The following ZNF264 variants were observed in gnomAD, a reference collection of about 807,000 sequenced individuals.
ZNF264 encodes zinc finger protein 264.
Under a neutral mutation model 11.2 loss-of-function variants are expected in ZNF264, and 11 were observed. The ratio of observed to expected loss-of-function variants is 0.98; its 90% confidence interval spans 0.62 to 1.63. The LOEUF is 1.63. Among genes scored for constraint, ZNF264 ranks in the 40% most tolerant of loss-of-function variants. The pLI, the probability that ZNF264 is intolerant of heterozygous loss-of-function variation, is 0.00. For synonymous variants in ZNF264, 309 were observed against 279.8 expected (o/e 1.10, Z -1.04); for missense variants, 752 against 768.1 (o/e 0.98, Z 0.25).
chr19:57,193,558 A>T, intron 1 of ZNF264: 1 of 983,448 alleles, frequency 1.0e-6, no homozygotes, highest in Non-Finnish European at 1.2e-6. Context: ...CGTTGTAACC[A>T]TTATTGCTAT....
chr19:57,200,646 G>A (rs2087246433), intron 2 of ZNF264, among the ~76,000 whole-genome samples: 2 of 149,816 alleles, frequency 1.3e-5, no homozygotes, highest in Middle Eastern at 3.4e-3. Context: ...TTTCTGTCTT[G>A]CTGTCTTGCC....
chr19:57,211,456 A>G lies in ZNF264; in HGVS notation c.359A>G (p.Asp120Gly), dbSNP rs116112926. 6.2e-7 allele frequency: 1 copy of G among 1,614,120 alleles called. No individual in the cohort carries two copies. Among genetic ancestry groups the G allele is most frequent in the East Asian group, 2.2e-5 (1 of 44,864 alleles). The change falls in exon 4 of 4, where the codon GAC (aspartate) becomes GGC (glycine). Residue 120 changes from aspartate (D) to glycine (G), a missense_variant. Asp to Gly is a moderately conservative substitution (Grantham distance 94). Transcript: ENST00000263095. ...CAAGTGACACAAGGAAACTCAGTGG[A>G]CTCACAGTTGGGGCAAGCCGAGGAT... ...QGQVTQGNSV[D>G]SQLGQAEDQD...
At chr19:57,205,331 C>G in intron 2 of ZNF264, 66 bp from the exon 3 acceptor site, 2 of 1,476,914 alleles carry the variant, frequency 1.4e-6, no homozygotes, top group South Asian at 2.4e-5. Context: ...AAGTCCCAAA[C>G]TAGATTGAAG....
Position 57,212,848 on chromosome 19 carries a change from C to T in ZNF264, c.1751C>T (p.Thr584Ile), listed in dbSNP as rs1365500742. ...TTTACAAGTGGACAAACCTCAGTTA[C>T]CCTTCGAGAACTTCTTTTAGGGAAG... ...RPFTSGQTSV[T>I]LRELLLGKDF... The change falls in exon 4 of 4, where the codon ACC becomes ATC. Residue 584 changes from threonine (T) to isoleucine (I), a missense_variant. Transcript: ENST00000263095. 2 of 1,614,218 alleles carry T rather than the reference C, an allele frequency of 1.2e-6. No individual in the cohort carries two copies. Among genetic ancestry groups the T allele is most frequent in the Non-Finnish European group, 1.7e-6 (2 of 1,180,034 alleles).
rs762132693 is a variant in ZNF264 at position 57,212,809 on chromosome 19, A to G, written c.1712A>G (p.Asp571Gly). 1.8e-5 allele frequency: 29 copies of G among 1,614,206 alleles called. No homozygotes were observed. Among genetic ancestry groups the G allele is most frequent in the Non-Finnish European group, 2.5e-5 (29 of 1,180,036 alleles). ...GGGAAAAATCCCATCAGTGTAACAGATGTGGGAAGACCTTTTACAAGTGGA... is the reference window on the plus strand; with the variant it reads ...GGGAAAAATCCCATCAGTGTAACAGGTGTGGGAAGACCTTTTACAAGTGGA... ...HTGKNPISVTDVGRPFTSGQT... is the reference protein window; with the variant it reads ...HTGKNPISVTGVGRPFTSGQT... Residue 571 changes from aspartate to glycine, a missense_variant, in exon 4 of 4, where the codon GAT becomes GGT. Asp to Gly is a moderately conservative substitution (Grantham distance 94). Coordinates refer to ENST00000263095, the MANE Select transcript of ZNF264 (RefSeq NM_003417.5).
At chr19:57,211,272 G>A (rs2087332829) in intron 3 of ZNF264, 82 bp from the exon 4 acceptor site, 1 of 1,331,422 alleles carries the variant, frequency 7.5e-7, no homozygotes, top group African/African-American at 1.5e-5. Context: ...TTTTATCTAT[G>A]GTTTTTCACA....
At chr19:57,202,685 C>T (rs1290516761) in intron 2 of ZNF264, among the ~76,000 whole-genome samples, 1 of 151,860 alleles carries the variant, frequency 6.6e-6, no homozygotes, top group Non-Finnish European at 1.5e-5. Context: ...AAGCTCTGTG[C>T]CCCTTCCGCC....
rs1488832685 is a variant in ZNF264, at chr19:57,219,368, C to T, written c.*6387C>T. 1 of 152,186 alleles carries T rather than the reference C, an allele frequency of 6.6e-6. No homozygotes were observed. Among genetic ancestry groups the T allele is most frequent in the African/African-American group, 2.4e-5 (1 of 41,420 alleles). The allele number at this position is 152,186 out of a possible 1,614,324, so 9.4% of individuals were successfully genotyped here. A position where few individuals can be genotyped will look rare whatever the true frequency, so the allele number is the denominator to read the frequency against. On this transcript the variant is annotated 3_prime_UTR_variant, in exon 4 of 4. Coordinates refer to ENST00000263095, the MANE Select transcript of ZNF264 (RefSeq NM_003417.5). ...TTCCCCCATAATCTGTATCTGTATT[C>T]AAGTCTCTATCCTCATCCCCAAATG...
rs115695746 is a variant in ZNF264, at chr19:57,212,746, G to A, written c.1649G>A (p.Arg550His). ...KCSECGKAFSRSSSLTQHQRM... is the reference protein window; with the variant it reads ...KCSECGKAFSHSSSLTQHQRM... ...AGTGAATGTGGAAAGGCCTTCAGTC[G>A]CAGCTCGTCCCTCACTCAGCATCAA... The change falls in exon 4 of 4, where the codon CGC (arginine) becomes CAC (histidine). Residue 550 changes from arginine (R) to histidine (H), a missense_variant. Arg to His is a conservative substitution (Grantham distance 29). Transcript: ENST00000263095. 5.1e-5 allele frequency: 83 copies of A among 1,614,132 alleles called. No individual in the cohort carries two copies. The East Asian group carries it at 1.2e-3, about 23-fold the overall frequency.
At chr19:57,195,136 C>A (rs377693205) in intron 2 of ZNF264, among the ~76,000 whole-genome samples, 1 of 152,184 alleles carries the variant, frequency 6.6e-6, no homozygotes, top group African/African-American at 2.4e-5. Flanking sequence ...TGAGATCATA[C>A]ATAATCTTCA....
At chr19:57,193,574 C>T (rs1320575565) in intron 1 of ZNF264, 22 of 972,076 alleles carry the variant, frequency 2.3e-5, no homozygotes, top group Non-Finnish European at 2.7e-5. Context: ...GCTATTATTA[C>T]CATTTCCCCA....
At position 57,205,420 on chromosome 19, in the gene ZNF264, C is replaced by A; in HGVS notation, c.184C>A (p.Leu62Met). ...SLGCPVPKAE[L>M]ICHLEHGQEP... ...AGGGTGTCCTGTTCCCAAAGCTGAG[C>A]TGATCTGCCACCTAGAGCATGGGCA... Residue 62 changes from leucine (L) to methionine (M), a missense_variant, in exon 3 of 4, where the codon CTG (leucine) becomes ATG (methionine). Leu to Met is a conservative substitution (Grantham distance 15). Transcript: ENST00000263095. 1 of 1,611,952 alleles carries A rather than the reference C, an allele frequency of 6.2e-7. No individual in the cohort carries two copies. Among genetic ancestry groups the A allele is most frequent in the Non-Finnish European group, 8.5e-7 (1 of 1,179,140 alleles).
intron 2 of ZNF264, among the ~76,000 whole-genome samples, chr19:57,194,579 G>A (rs574470377): frequency 5.9e-5 from 9 of 152,306 alleles, no homozygotes; most frequent in African/African-American, 2.2e-4. Context: ...TCCAATGTTC[G>A]AGGGCAGGAA....
chr19:57,217,098 T>C lies in ZNF264; in HGVS notation c.*4117T>C, dbSNP rs1010229438. Reference sequence around the variant, plus strand: ...CAAAATCATCTAACACAAGGCCTACTTTATAATAAAGTTACTGCAAAGAAT... The same window carrying C: ...CAAAATCATCTAACACAAGGCCTACCTTATAATAAAGTTACTGCAAAGAAT... On this transcript the variant is annotated 3_prime_UTR_variant, in exon 4 of 4. Transcript: ENST00000263095. 8 of 152,342 alleles carry C rather than the reference T, an allele frequency of 5.3e-5. No individual in the cohort carries two copies. The highest frequency in any genetic ancestry group is 3.4e-3 in the Middle Eastern group (1 of 294). The allele number at this position is 152,342 out of a possible 1,614,324, so 9.4% of individuals were successfully genotyped here.
In ZNF264 at chr19:57,200,556, G is replaced by GTGTCTTGTCT. The variant is rs71898528; in HGVS notation, c.161-4809_161-4800dup. 2.6e-4 allele frequency among the ~76,000 whole-genome samples: 38 copies of GTGTCTTGTCT among 147,432 alleles called. 1 individual carries two copies. The highest frequency in any genetic ancestry group is 7.9e-4 in the East Asian group (4 of 5,070). ...CTTTGTCTCTTGTCTCTTGTGTCTT[G>GTGTCTTGTCT]TGTCTTGTCTTGTCTTGTCTTGTCT... On this transcript the variant is annotated intron_variant, in intron 2 of 3. Coordinates refer to ENST00000263095, the MANE Select transcript of ZNF264 (RefSeq NM_003417.5).
intron 3 of ZNF264, among the ~76,000 whole-genome samples, chr19:57,209,610 C>T (rs116298486): frequency 0.021 from 3,158 of 152,148 alleles, 109 homozygotes; most frequent in African/African-American, 0.073. Flanking sequence ...AAAGGTCTTG[C>T]TCTGTTGCCC....
rs1482226162 is a variant in ZNF264, at chr19:57,222,555, T to C, written c.*9574T>C. 7.3e-6 allele frequency: 1 copy of C among 137,766 alleles called. No individual in the cohort carries two copies. The highest frequency in any genetic ancestry group is 2.9e-5 in the African/African-American group (1 of 34,124). The allele number at this position is 137,766 out of a possible 1,614,324, so 8.5% of individuals were successfully genotyped here. A position where few individuals can be genotyped will look rare whatever the true frequency, so the allele number is the denominator to read the frequency against. On this transcript the variant is annotated 3_prime_UTR_variant, in exon 4 of 4. Transcript: ENST00000263095. Reference sequence around the variant, plus strand: ...ATATATGTATATGTGTGTGTACATATGGACCACTTCAAGCTACACACACAC... The same window carrying C: ...ATATATGTATATGTGTGTGTACATACGGACCACTTCAAGCTACACACACAC...
At chr19:57,204,839 T>C (rs564778566) in intron 2 of ZNF264, among the ~76,000 whole-genome samples, 127 of 152,306 alleles carry the variant, frequency 8.3e-4, no homozygotes, top group Non-Finnish European at 1.6e-3. Flanking sequence ...TGGGTAGCGT[T>C]GTGGAGCTTT....
rs1281033802 is a variant in ZNF264 at position 57,212,100 on chromosome 19, G to A, written c.1003G>A (p.Val335Ile). The A allele has an allele frequency of 6.2e-7, 1 of 1,614,162 alleles. No homozygotes were observed. The highest frequency in any genetic ancestry group is 8.5e-7 in the Non-Finnish European group (1 of 1,180,028). Residue 335 changes from valine (V) to isoleucine (I), a missense_variant, in exon 4 of 4, where the codon GTT becomes ATT. Coordinates refer to ENST00000263095, the MANE Select transcript of ZNF264 (RefSeq NM_003417.5). Reference protein sequence around the residue: ...RHRPGFLRHYVVHSGENPYEC... With the variant: ...RHRPGFLRHYIVHSGENPYEC... The stretch of plus-strand genomic sequence containing the variant: ...TAGGCCAGGCTTTCTCCGGCACTAT[G>A]TTGTCCACAGTGGTGAGAATCCCTA...
Sources: gnomAD v4.1 joint callset for allele counts (sites outside exome capture counted in the v4.1 genomes callset) on GRCh38, gnomAD v4.1.1 for gene constraint, MANE v1.5 for transcripts, NCBI Gene and HGNC (gene_info 2026-07-23, HGNC 2026-07-21) for gene names.